Variants in HEMK2 observed in about 807,000 individuals in gnomAD.
HEMK2 encodes the protein methyltransferase HEMK2.
chr21:28,788,692 T>C, the HEMK2 span, among the ~76,000 whole-genome samples: 6 of 142,974 alleles, frequency 4.2e-5, no homozygotes, highest in South Asian at 2.3e-4. Flanking sequence ...AAAATAAAAA[T>C]CTTTAGGTAC....
chr21:28,576,572 T>C, the HEMK2 span, among the ~76,000 whole-genome samples: 1 of 152,210 alleles, frequency 6.6e-6, no homozygotes, highest in African/African-American at 2.4e-5. Context: ...TTTTCATTTT[T>C]ATAAAATTCA....
At chr21:28,631,488 T>A in the HEMK2 span, among the ~76,000 whole-genome samples, 5 of 152,222 alleles carry the variant, frequency 3.3e-5, no homozygotes, top group Non-Finnish European at 1.5e-5. Context: ...TTGGATGAGA[T>A]CTGGAAATAT....
chr21:28,603,549 A>ATGTGTGTGTGTGTGTGTGTG, the HEMK2 span, among the ~76,000 whole-genome samples: 83 of 135,818 alleles, frequency 6.1e-4, 1 homozygote, highest in East Asian at 4.9e-3. Flanking sequence ...GAGGATATAT[A>ATGTGTGTGTGTGTGTGTGTG]TGTGTGTGTG....
At chr21:28,816,056 G>A in the HEMK2 span, among the ~76,000 whole-genome samples, 1 of 152,328 alleles carries the variant, frequency 6.6e-6, no homozygotes, top group East Asian at 1.9e-4. Context: ...CCAGAGGGAA[G>A]ATCAAGTGAA....
chr21:28,753,132 G>A, the HEMK2 span, among the ~76,000 whole-genome samples: 1 of 152,164 alleles, frequency 6.6e-6, no homozygotes, highest in African/African-American at 2.4e-5. Flanking sequence ...CAAGATGGGT[G>A]AAGCACTTAA....
At chr21:28,659,535 C>A in the HEMK2 span, among the ~76,000 whole-genome samples, 1 of 151,948 alleles carries the variant, frequency 6.6e-6, no homozygotes. Context: ...AAGGTAGAAA[C>A]CAAAGAGAAC....
chr21:28,578,175 G>A, the HEMK2 span, among the ~76,000 whole-genome samples: 1 of 152,058 alleles, frequency 6.6e-6, no homozygotes, highest in Non-Finnish European at 1.5e-5. Context: ...GCTTAACTCC[G>A]CCCTTTGTTT....
At chr21:28,774,661 A>T in the HEMK2 span, among the ~76,000 whole-genome samples, 16 of 152,344 alleles carry the variant, frequency 1.1e-4, no homozygotes, top group African/African-American at 3.4e-4. Context: ...AAATTAAATT[A>T]GCAAATTAAA....
the HEMK2 span, among the ~76,000 whole-genome samples, chr21:28,828,259 CAGTA>C: frequency 6.6e-6 from 1 of 152,204 alleles, no homozygotes; most frequent in African/African-American, 2.4e-5. Flanking sequence ...CCCCGTGACA[CAGTA>C]AGTAAGGAGG....
the HEMK2 span, among the ~76,000 whole-genome samples, chr21:28,864,865 AGATGGAT>A: frequency 2.0e-4 from 26 of 131,414 alleles, no homozygotes; most frequent in African/African-American, 7.2e-4. Flanking sequence ...ATAGATAGAT[AGATGGAT>A]GATAGGTAGA....
the HEMK2 span, among the ~76,000 whole-genome samples, chr21:28,818,278 T>C: frequency 6.6e-6 from 1 of 152,122 alleles, no homozygotes; most frequent in Non-Finnish European, 1.5e-5. Context: ...TTTTTCCGCT[T>C]TGGGACTCTT....
the HEMK2 span, among the ~76,000 whole-genome samples, chr21:28,655,755 C>A: frequency 1.3e-5 from 2 of 152,006 alleles, no homozygotes; most frequent in Non-Finnish European, 2.9e-5. Flanking sequence ...TCTGATATTT[C>A]CCAAAACACA....
chr21:28,837,626 C>G, the HEMK2 span, among the ~76,000 whole-genome samples: 1 of 151,788 alleles, frequency 6.6e-6, no homozygotes, highest in Non-Finnish European at 1.5e-5. Flanking sequence ...TAAGGTCACA[C>G]CTAAAGAAAC....
the HEMK2 span, among the ~76,000 whole-genome samples, chr21:28,772,616 C>T: frequency 1.3e-5 from 2 of 152,106 alleles, no homozygotes; most frequent in African/African-American, 4.8e-5. Context: ...AGCGTTTTGG[C>T]AAGTTTTGCT....
chr21:28,588,789 C>T, the HEMK2 span, among the ~76,000 whole-genome samples: 1 of 152,000 alleles, frequency 6.6e-6, no homozygotes, highest in East Asian at 1.9e-4. Context: ...CGAGACCATC[C>T]TGGCTAACAC....
the HEMK2 span, among the ~76,000 whole-genome samples, chr21:28,773,588 C>T: frequency 1.3e-5 from 2 of 152,066 alleles, no homozygotes; most frequent in African/African-American, 4.8e-5. Flanking sequence ...GAAACAGGTA[C>T]TCTCCTAGTA....
At chr21:28,876,562 T>G in the HEMK2 span, 1 of 889,212 alleles carries the variant, frequency 1.1e-6, no homozygotes, top group African/African-American at 1.7e-5. Context: ...AGCAATTTAA[T>G]AAGTTAAACA....
chr21:28,624,202 T>C, the HEMK2 span, among the ~76,000 whole-genome samples: 3 of 152,322 alleles, frequency 2.0e-5, no homozygotes, highest in South Asian at 4.1e-4. Context: ...GTCTTTGTAA[T>C]ACCAGAAGCA....
chr21:28,779,862 T>C, the HEMK2 span, among the ~76,000 whole-genome samples: 1 of 152,214 alleles, frequency 6.6e-6, no homozygotes, highest in Admixed American at 6.5e-5. Context: ...AAAGAGTTTA[T>C]TGTAAGAATT....
Sources: allele counts gnomAD v4.1 joint callset (sites outside exome capture counted in the v4.1 genomes callset), GRCh38; gene constraint gnomAD v4.1.1; transcripts MANE v1.5; gene names NCBI Gene and HGNC (gene_info 2026-07-23, HGNC 2026-07-21).